SNX29: variants seen among roughly 807,000 people sequenced by gnomAD.
SNX29 encodes the protein sorting nexin 29.
SNX29 carries 78 observed loss-of-function variants against 102.1 expected under a neutral mutation model. That is an observed-to-expected ratio of 0.76 (90% CI 0.64 to 0.92). The LOEUF is 0.92. Ranked by LOEUF, SNX29 falls within the 40% of genes least tolerant of loss-of-function variation. The pLI is 0.00. For missense variants in SNX29, 1,280 were observed against 1,061.7 expected (o/e 1.21, Z -2.86); for synonymous variants, 580 against 414.5 (o/e 1.40, Z -4.85).
At position 12,570,228 on chromosome 16, in the gene SNX29, G is replaced by T. The variant is rs1414323174; in HGVS notation, c.*1599G>T. On this transcript the variant is annotated 3_prime_UTR_variant, in exon 21 of 21. Coordinates refer to ENST00000566228, the MANE Select transcript of SNX29 (RefSeq NM_032167.5). ...GGGGACCTGGGGCCAGATAAGCCCT[G>T]CCCCGGTGAGACCAAATGAGCTGGA... The T allele has an allele frequency of 3.8e-6, 4 of 1,065,158 alleles. No individual in the cohort carries two copies. Among genetic ancestry groups the T allele is most frequent in the Non-Finnish European group, 4.5e-6 (4 of 879,294 alleles). The allele number at this position is 1,065,158 out of a possible 1,614,324, so 66.0% of individuals were successfully genotyped here.
At chr16:12,477,889 T>G in intron 19 of SNX29, 30 bp downstream of exon 19, 1 of 1,555,226 alleles carries the variant, frequency 6.4e-7, no homozygotes. Context: ...AGCCCACTTG[T>G]CACTGCCTGC....
chr16:12,099,578 C>T (rs990893849), intron 11 of SNX29, among the ~76,000 whole-genome samples: 1 of 152,182 alleles, frequency 6.6e-6, no homozygotes, highest in African/African-American at 2.4e-5. Context: ...TCCCCCACAG[C>T]GTTCTGGCCC....
At chr16:12,004,423 T>C (rs1343915080) in intron 3 of SNX29, among the ~76,000 whole-genome samples, 1 of 151,984 alleles carries the variant, frequency 6.6e-6, no homozygotes, top group Non-Finnish European at 1.5e-5. Context: ...GCTGATAACA[T>C]TGGCTGGAAG....
chr16:12,122,417 C>G (rs1046188355), intron 11 of SNX29, among the ~76,000 whole-genome samples: 4 of 152,028 alleles, frequency 2.6e-5, no homozygotes, highest in African/African-American at 9.7e-5. Flanking sequence ...AAGAGTAAGA[C>G]AGGGCAGGCC....
intron 20 of SNX29, among the ~76,000 whole-genome samples, chr16:12,567,156 C>CTGGGGG (rs2079045768): frequency 6.6e-6 from 1 of 152,212 alleles, no homozygotes. Context: ...TTGGATACAG[C>CTGGGGG]TGGGGGTGGA....
At chr16:12,198,768 A>G (rs149959938) in intron 13 of SNX29, among the ~76,000 whole-genome samples, 100 of 152,368 alleles carry the variant, frequency 6.6e-4, no homozygotes, top group African/African-American at 2.3e-3. Flanking sequence ...CTTCTCCTGT[A>G]AAATGTGGAG....
At chr16:12,177,987 G>T (rs1441383956) in intron 13 of SNX29, among the ~76,000 whole-genome samples, 2 of 152,228 alleles carry the variant, frequency 1.3e-5, no homozygotes, top group Non-Finnish European at 2.9e-5. Flanking sequence ...GAGATGGTTA[G>T]CTGGCTAGTG....
intron 18 of SNX29, among the ~76,000 whole-genome samples, chr16:12,426,061 A>G (rs1029948437): frequency 6.6e-6 from 1 of 151,898 alleles, no homozygotes; most frequent in African/African-American, 2.4e-5. Context: ...GACAAAAAAA[A>G]TATTTGGTTT....
intron 13 of SNX29, among the ~76,000 whole-genome samples, chr16:12,154,480 T>C (rs528707266): frequency 9.9e-5 from 15 of 152,164 alleles, no homozygotes; most frequent in Non-Finnish European, 2.1e-4. Context: ...TACATACGTG[T>C]GTGTCTGATT....
At chr16:12,158,671 C>T (rs1242621079) in intron 13 of SNX29, among the ~76,000 whole-genome samples, 3 of 152,310 alleles carry the variant, frequency 2.0e-5, no homozygotes, top group East Asian at 3.9e-4. Flanking sequence ...AAAAGGACAG[C>T]GTGGCATGAT....
rs557487564 is a variant in SNX29, at chr16:12,283,566, A to T, written c.1782+5530A>T. The stretch of plus-strand genomic sequence containing the variant: ...GATCTCTTGACTTCGTGATCCACCC[A>T]CCTCAGCCTCCCAAAGTGCTGGGAT... On this transcript the variant is annotated intron_variant, in intron 15 of 20. Coordinates refer to ENST00000566228, the MANE Select transcript of SNX29 (RefSeq NM_032167.5). Among the ~76,000 whole-genome samples the T allele has an allele frequency of 2.8e-4, 43 of 151,978 alleles. 1 individual carries two copies. The East Asian group carries it at 4.9e-3, about 17-fold the overall frequency.
At chr16:12,343,327 A>T (rs1332555972) in intron 15 of SNX29, among the ~76,000 whole-genome samples, 1 of 152,254 alleles carries the variant, frequency 6.6e-6, no homozygotes, top group South Asian at 2.1e-4. Context: ...TGCTAGTGTT[A>T]GCTTCACGGT....
intron 11 of SNX29, among the ~76,000 whole-genome samples, chr16:12,085,896 C>G (rs952482643): frequency 3.3e-5 from 5 of 152,040 alleles, no homozygotes; most frequent in African/African-American, 1.2e-4. Flanking sequence ...GCTAGTAGAA[C>G]AGATAGTTAC....
At position 12,533,096 on chromosome 16, in the gene SNX29, G is replaced by A. The variant is rs575588808; in HGVS notation, c.2318+8255G>A. On this transcript the variant is annotated intron_variant, in intron 20 of 20. Transcript: ENST00000566228. The stretch of plus-strand genomic sequence containing the variant: ...GCCACAGCCCACATCACACCTCCGG[G>A]GAGGGACAGGTTCAACTCGACAGCT... Among the ~76,000 whole-genome samples the A allele has an allele frequency of 2.2e-4, 33 of 152,346 alleles. No homozygotes were observed. The South Asian group carries it at 6.6e-3, about 31-fold the overall frequency.
At chr16:12,279,084 C>A (rs904148698) in intron 15 of SNX29, among the ~76,000 whole-genome samples, 1 of 152,048 alleles carries the variant, frequency 6.6e-6, no homozygotes, top group African/African-American at 2.4e-5. Flanking sequence ...TTGTAATGGT[C>A]CCTTGGTGGT....
chr16:12,464,600 A>G (rs11862757), intron 18 of SNX29, among the ~76,000 whole-genome samples: 44,392 of 151,702 alleles, frequency 0.29, 10,042 homozygotes, highest in African/African-American at 0.63. Context: ...ACTTACAGGC[A>G]TGTACCACCA....
intron 19 of SNX29, among the ~76,000 whole-genome samples, chr16:12,518,697 A>G (rs571605714): frequency 2.0e-5 from 3 of 152,200 alleles, no homozygotes; most frequent in Admixed American, 1.3e-4. Context: ...CCAGCTAAAC[A>G]TCTGTGGATC....
chr16:12,512,789 C>T (rs569236650), intron 19 of SNX29, among the ~76,000 whole-genome samples: 1 of 152,266 alleles, frequency 6.6e-6, no homozygotes, highest in African/African-American at 2.4e-5. Context: ...AAAGAGATGT[C>T]TGCTTAGATG....
At chr16:12,432,235 A>G (rs1335847287) in intron 18 of SNX29, among the ~76,000 whole-genome samples, 1 of 152,178 alleles carries the variant, frequency 6.6e-6, no homozygotes, top group Non-Finnish European at 1.5e-5. Context: ...GGTCCTCCGC[A>G]TTTACGCATT....
Sources: allele counts gnomAD v4.1 joint callset (sites outside exome capture counted in the v4.1 genomes callset), GRCh38; gene constraint gnomAD v4.1.1; transcripts MANE v1.5; gene names NCBI Gene and HGNC (gene_info 2026-07-23, HGNC 2026-07-21).